The following ZBTB7C variants were observed in gnomAD, a reference collection of about 807,000 sequenced individuals.
The protein encoded by ZBTB7C is zinc finger and BTB domain-containing protein 7C.
A neutral mutation model predicts 25.7 loss-of-function variants in ZBTB7C; 8 were observed. The observed-to-expected ratio is 0.31, with a 90% CI of 0.18 to 0.56. The LOEUF (loss-of-function observed/expected upper bound fraction) is 0.56. ZBTB7C is among the 20% of genes least tolerant of loss of function. ZBTB7C has a pLI of 0.91. For missense variants in ZBTB7C, 824 were observed against 855.2 expected, an observed-to-expected ratio of 0.96 and a Z score of 0.46; for synonymous variants, 394 against 369.0, an observed-to-expected ratio of 1.07 and a Z score of -0.78.
intron 3 of ZBTB7C, among the ~76,000 whole-genome samples, chr18:48,117,334 A>G (rs773212805): frequency 6.6e-6 from 1 of 152,232 alleles, no homozygotes; most frequent in South Asian, 2.1e-4. Context: ...AGAGGCGTGA[A>G]TAAATGCTGA....
At chr18:48,217,797 G>A (rs1198944543) in intron 2 of ZBTB7C, among the ~76,000 whole-genome samples, 1 of 152,158 alleles carries the variant, frequency 6.6e-6, no homozygotes, top group Non-Finnish European at 1.5e-5. Context: ...CTGACTAGAG[G>A]GTGGTGGCCT....
At chr18:48,214,075 G>C (rs1378877223) in intron 2 of ZBTB7C, among the ~76,000 whole-genome samples, 2 of 152,246 alleles carry the variant, frequency 1.3e-5, no homozygotes, top group East Asian at 1.9e-4. Context: ...ACACAGGGTA[G>C]ACTTGGAAAG....
intron 2 of ZBTB7C, among the ~76,000 whole-genome samples, chr18:48,261,594 C>T (rs891982907): frequency 2.6e-5 from 4 of 152,108 alleles, no homozygotes; most frequent in African/African-American, 9.7e-5. Flanking sequence ...CTGATTCCCA[C>T]CCTAGATGCC....
chr18:48,228,743 T>TCACACACA (rs34427342), intron 2 of ZBTB7C, among the ~76,000 whole-genome samples: 40,849 of 135,084 alleles, frequency 0.3, 6,809 homozygotes, highest in Non-Finnish European at 0.39. Flanking sequence ...TCTCTCTCTC[T>TCACACACA]CTCTCACACA....
chr18:48,073,303 A>G (rs2037624651), intron 3 of ZBTB7C, among the ~76,000 whole-genome samples: 1 of 152,164 alleles, frequency 6.6e-6, no homozygotes, highest in Non-Finnish European at 1.5e-5. Context: ...TCACAGAGAC[A>G]TAAAGGGCTA....
chr18:48,143,873 G>A (rs78577771), intron 3 of ZBTB7C, among the ~76,000 whole-genome samples: 5,527 of 152,218 alleles, frequency 0.036, 130 homozygotes, highest in Non-Finnish European at 0.052. Context: ...CTATAAATCC[G>A]TACTTGTCTT....
At chr18:48,366,920 C>A (rs561827986) in intron 1 of ZBTB7C, among the ~76,000 whole-genome samples, 36 of 152,102 alleles carry the variant, frequency 2.4e-4, no homozygotes, top group African/African-American at 7.5e-4. Context: ...TACACATGGA[C>A]TCTCTTGAGA....
At chr18:48,108,730 T>C (rs546777028) in intron 3 of ZBTB7C, among the ~76,000 whole-genome samples, 38 of 152,230 alleles carry the variant, frequency 2.5e-4, no homozygotes, top group Admixed American at 2.2e-3. Context: ...GCCATTCTGC[T>C]TGGCTGGCAC....
At chr18:48,252,230 A>T (rs1216499244) in intron 2 of ZBTB7C, 1 of 152,218 alleles carries the variant, frequency 6.6e-6, no homozygotes, top group Admixed American at 6.5e-5. Context: ...CAGGGGTTGA[A>T]ACATGTTTTT....
At chr18:48,245,515 T>C (rs1468408605) in intron 2 of ZBTB7C, among the ~76,000 whole-genome samples, 7 of 11,266 alleles carry the variant, frequency 6.2e-4, no homozygotes, top group Non-Finnish European at 1.5e-3. Flanking sequence ...AAAGAAAAAA[T>C]GAATTTTCTA....
In ZBTB7C at chr18:48,141,571, G is replaced by T. The variant is rs540568904; in HGVS notation, c.-17+44363C>A. 3.7e-3 allele frequency among the ~76,000 whole-genome samples: 566 copies of T among 152,148 alleles called. 4 individuals carry two copies. The highest frequency in any genetic ancestry group is 0.013 in the African/African-American group (536 of 41,494). The stretch of plus-strand genomic sequence containing the variant: ...GAAAATTCGTGAACTGGGCGGGGGG[G>T]AAAGTAACCCATAATCTCATCACAC... On this transcript the variant is annotated intron_variant, in intron 3 of 4. Transcript: ENST00000590800.
rs1192265585 is a variant in ZBTB7C at position 48,220,758 on chromosome 18, T to C, written c.-78-34763A>G. On this transcript the variant is annotated intron_variant, in intron 2 of 4. Transcript: ENST00000590800. ...TTACATATGTCAACTCACTCTACAA[T>C]AGAAAGAGTCCAAGGAAGCAAATAT... 3.3e-5 allele frequency among the ~76,000 whole-genome samples: 5 copies of C among 152,102 alleles called. No homozygotes were observed. In the South Asian group the frequency reaches 8.3e-4, roughly 25 times the overall value.
intron 1 of ZBTB7C, among the ~76,000 whole-genome samples, chr18:48,396,117 T>G (rs2048024522): frequency 6.6e-6 from 1 of 152,186 alleles, no homozygotes; most frequent in African/African-American, 2.4e-5. Context: ...TACCCCCCTC[T>G]CAAAGCAGTT....
chr18:48,076,157 C>T (rs1475671044), intron 3 of ZBTB7C, among the ~76,000 whole-genome samples: 1 of 152,138 alleles, frequency 6.6e-6, no homozygotes, highest in African/African-American at 2.4e-5. Context: ...ATAATGGGTC[C>T]CCACTAAATG....
chr18:48,360,514 G>A (rs760829777), intron 1 of ZBTB7C, among the ~76,000 whole-genome samples: 11 of 152,204 alleles, frequency 7.2e-5, no homozygotes, highest in Non-Finnish European at 1.2e-4. Flanking sequence ...CTAGGCAGGC[G>A]GGCCAGGGCC....
intron 3 of ZBTB7C, among the ~76,000 whole-genome samples, chr18:48,128,851 C>T (rs1445991350): frequency 6.9e-6 from 1 of 144,446 alleles, no homozygotes; most frequent in African/African-American, 2.5e-5. Flanking sequence ...ACCCTAAAAG[C>T]TATTGAAATA....
intron 2 of ZBTB7C, among the ~76,000 whole-genome samples, chr18:48,203,134 A>G (rs2042495618): frequency 6.6e-6 from 1 of 152,132 alleles, no homozygotes; most frequent in Admixed American, 6.5e-5. Flanking sequence ...TGCCTCTGCC[A>G]TGAGAGTCTT....
At chr18:48,155,987 G>A (rs1345650782) in intron 3 of ZBTB7C, among the ~76,000 whole-genome samples, 1 of 152,178 alleles carries the variant, frequency 6.6e-6, no homozygotes, top group Non-Finnish European at 1.5e-5. Flanking sequence ...GAAGGAGGGT[G>A]TGCCTAAGGT....
rs560334891 is a variant in ZBTB7C at position 48,340,829 on chromosome 18, GA to G, written c.-303-2432del. On this transcript the variant is annotated intron_variant, in intron 1 of 4. Transcript: ENST00000590800. ...CTGCACCGTCCACTCCCAACCATAT[GA>G]AAAGGCAATTTTTTCCAAGGACAAG... 2.6e-4 allele frequency among the ~76,000 whole-genome samples: 40 copies of G among 152,346 alleles called. No homozygotes were observed. The South Asian group carries it at 4.1e-3, about 16-fold the overall frequency.
Sources: gnomAD v4.1 joint callset for allele counts (sites outside exome capture counted in the v4.1 genomes callset) on GRCh38, gnomAD v4.1.1 for gene constraint, MANE v1.5 for transcripts, NCBI Gene and HGNC (gene_info 2026-07-23, HGNC 2026-07-21) for gene names.